The following SLC9A9 variants were observed in gnomAD, a reference collection of about 807,000 sequenced individuals.
SLC9A9 encodes solute carrier family 9 member A9, also known as sodium/hydrogen exchanger 9.
A neutral mutation model predicts 77.8 loss-of-function variants in SLC9A9; 62 were observed. The ratio of observed to expected loss-of-function variants is 0.80; its 90% CI spans 0.65 to 0.98. The LOEUF is 0.98. SLC9A9 is among the 50% of genes least tolerant of loss of function. The pLI, the probability that SLC9A9 is intolerant of heterozygous loss-of-function variation, is 0.00. For missense variants in SLC9A9, 775 were observed against 774.9 expected, an observed-to-expected ratio of 1.00 and a Z score of 0.00; for synonymous variants, 320 against 283.5, an observed-to-expected ratio of 1.13 and a Z score of -1.29.
intron 12 of SLC9A9, among the ~76,000 whole-genome samples, chr3:143,406,616 A>G (rs1221079720): frequency 6.6e-6 from 1 of 152,138 alleles, no homozygotes; most frequent in Non-Finnish European, 1.5e-5. Flanking sequence ...GTATCTTAAA[A>G]AGTATGCTAT....
chr3:143,749,075 A>G (rs1165965335), intron 4 of SLC9A9, among the ~76,000 whole-genome samples: 2 of 152,188 alleles, frequency 1.3e-5, no homozygotes, highest in East Asian at 3.9e-4. Context: ...AATAATACTA[A>G]TAAAGGTGCA....
At chr3:143,366,519 G>T (rs1381431428) in intron 13 of SLC9A9, among the ~76,000 whole-genome samples, 1 of 152,184 alleles carries the variant, frequency 6.6e-6, no homozygotes. Context: ...TCATTGGGCT[G>T]CAGTTTCCTT....
intron 14 of SLC9A9, among the ~76,000 whole-genome samples, chr3:143,341,651 T>C (rs2108464237): frequency 1.3e-5 from 2 of 152,332 alleles, no homozygotes; most frequent in South Asian, 4.1e-4. Flanking sequence ...TCCCGAACCC[T>C]GTTCAAATAA....
chr3:143,838,809 A>G (rs7652644), intron 1 of SLC9A9, among the ~76,000 whole-genome samples: 11,984 of 152,268 alleles, frequency 0.079, 1,479 homozygotes, highest in African/African-American at 0.26. Context: ...GAAGAAGGAA[A>G]TAGTCTGAAT....
intron 12 of SLC9A9, among the ~76,000 whole-genome samples, chr3:143,427,463 G>A (rs2034428571): frequency 6.6e-6 from 1 of 152,202 alleles, no homozygotes; most frequent in Non-Finnish European, 1.5e-5. Context: ...CCAATAATTA[G>A]CAAGTAATCT....
chr3:143,721,411 CT>C (rs1380261036), intron 4 of SLC9A9, among the ~76,000 whole-genome samples: 1 of 151,922 alleles, frequency 6.6e-6, no homozygotes, highest in Non-Finnish European at 1.5e-5. Context: ...TTCTTCATCT[CT>C]TTTATGCCAT....
chr3:143,632,624 T>A (rs1172973198), intron 6 of SLC9A9, among the ~76,000 whole-genome samples: 1 of 152,218 alleles, frequency 6.6e-6, no homozygotes, highest in Non-Finnish European at 1.5e-5. Flanking sequence ...GACAAGTTTA[T>A]GTACATATAA....
intron 6 of SLC9A9, among the ~76,000 whole-genome samples, chr3:143,644,233 CT>C (rs2038667284): frequency 2.0e-5 from 3 of 152,204 alleles, no homozygotes; most frequent in Admixed American, 6.5e-5. Flanking sequence ...ACTTTCATCA[CT>C]TGCATCTGAC....
At chr3:143,738,974 GT>G (rs1169985815) in intron 4 of SLC9A9, among the ~76,000 whole-genome samples, 1 of 152,090 alleles carries the variant, frequency 6.6e-6, no homozygotes, top group Admixed American at 6.6e-5. Context: ...TCTTTTAGGA[GT>G]TTTTATGGAG....
intron 14 of SLC9A9, among the ~76,000 whole-genome samples, chr3:143,347,658 C>T (rs1277468208): frequency 2.0e-5 from 3 of 152,172 alleles, no homozygotes; most frequent in African/African-American, 4.8e-5. Flanking sequence ...GCTTCTTGCC[C>T]TTTGCTATAA....
chr3:143,629,305 C>T (rs551853231), intron 6 of SLC9A9, among the ~76,000 whole-genome samples: 51 of 152,120 alleles, frequency 3.4e-4, no homozygotes, highest in African/African-American at 1.1e-3. Context: ...CTGTGCTGAA[C>T]GAAGGTATAG....
chr3:143,779,895 C>T (rs2007816998), intron 4 of SLC9A9, among the ~76,000 whole-genome samples: 1 of 152,200 alleles, frequency 6.6e-6, no homozygotes, highest in Non-Finnish European at 1.5e-5. Context: ...GTGCCATCCA[C>T]AATAAACACT....
intron 14 of SLC9A9, among the ~76,000 whole-genome samples, chr3:143,363,281 C>T (rs1157738155): frequency 1.3e-5 from 2 of 152,218 alleles, no homozygotes; most frequent in African/African-American, 4.8e-5. Context: ...TGAGAAGTTT[C>T]ACTTTAGCTC....
At chr3:143,410,679 TC>T (rs1330710530) in intron 12 of SLC9A9, among the ~76,000 whole-genome samples, 1 of 152,128 alleles carries the variant, frequency 6.6e-6, no homozygotes, top group Non-Finnish European at 1.5e-5. Flanking sequence ...ACTTTACTAT[TC>T]TTCTTCTAAT....
At chr3:143,541,992 T>C (rs1165837204) in intron 9 of SLC9A9, among the ~76,000 whole-genome samples, 1 of 152,250 alleles carries the variant, frequency 6.6e-6, no homozygotes, top group Non-Finnish European at 1.5e-5. Flanking sequence ...GTACCCACTA[T>C]TGAAGGTGCC....
intron 6 of SLC9A9, among the ~76,000 whole-genome samples, chr3:143,625,791 T>G (rs2038312526): frequency 6.6e-6 from 1 of 152,190 alleles, no homozygotes. Context: ...AAAGAGCTTC[T>G]GCACAGCAAA....
intron 14 of SLC9A9, among the ~76,000 whole-genome samples, chr3:143,317,165 G>A (rs1295046867): frequency 2.0e-5 from 3 of 152,098 alleles, no homozygotes; most frequent in African/African-American, 4.8e-5. Flanking sequence ...CAACCCCTCA[G>A]TGATTAAAAA....
chr3:143,800,680 G>A (rs2008527405), intron 2 of SLC9A9, among the ~76,000 whole-genome samples: 1 of 152,154 alleles, frequency 6.6e-6, no homozygotes, highest in African/African-American at 2.4e-5. Flanking sequence ...CATTACTTCA[G>A]CCAAGCTCTT....
rs61441328 is a variant in SLC9A9 at position 143,704,995 on chromosome 3, ATATC to A, written c.534-11692_534-11689del. On this transcript the variant is annotated intron_variant, in intron 4 of 15. Coordinates refer to ENST00000316549, the MANE Select transcript of SLC9A9 (RefSeq NM_173653.4). ...CAAGAAGAGTGAAACTCCATCTCAA[ATATC>A]TATCTATCTATCTATCTATCTATCT... 4.4e-3 allele frequency among the ~76,000 whole-genome samples: 509 copies of A among 116,030 alleles called. 2 individuals are homozygous for A. The highest frequency in any genetic ancestry group is 0.011 in the Admixed American group (130 of 11,714). The allele number at this position is 116,030 out of a possible 152,430, so 76.1% of individuals were successfully genotyped here.
Sources: gnomAD v4.1 joint callset for allele counts (sites outside exome capture counted in the v4.1 genomes callset) on GRCh38, gnomAD v4.1.1 for gene constraint, MANE v1.5 for transcripts, NCBI Gene and HGNC (gene_info 2026-07-23, HGNC 2026-07-21) for gene names.